The following LTBP1 variants were observed in gnomAD, a reference collection of about 807,000 sequenced individuals.
LTBP1 encodes the protein latent-transforming growth factor beta-binding protein 1.
In LTBP1, 129 loss-of-function variants were observed where a neutral mutation model predicts 207.6. The observed-to-expected ratio is 0.62, with a 90% CI of 0.54 to 0.72. The LOEUF is 0.72. Ranked by LOEUF, LTBP1 falls within the 30% of genes least tolerant of loss-of-function variation. LTBP1 has a pLI of 0.00. For synonymous variants in LTBP1, 963 were observed against 833.7 expected (o/e 1.16, Z -2.67); for missense variants, 2,281 against 2,217.2 (o/e 1.03, Z -0.58).
At chr2:33,176,423 C>T (rs922667278) in intron 5 of LTBP1, among the ~76,000 whole-genome samples, 1 of 152,068 alleles carries the variant, frequency 6.6e-6, no homozygotes, top group Non-Finnish European at 1.5e-5. Flanking sequence ...TACGGGGTTT[C>T]ACCATGTTGG....
intron 11 of LTBP1, among the ~76,000 whole-genome samples, chr2:33,255,052 T>C (rs995168473): frequency 1.1e-4 from 15 of 134,108 alleles, no homozygotes; most frequent in African/African-American, 4.2e-4. Context: ...GCATTAGGTA[T>C]ATCTCCCAGT....
chr2:33,191,040 A>G (rs997716928), intron 7 of LTBP1, among the ~76,000 whole-genome samples: 1 of 152,158 alleles, frequency 6.6e-6, no homozygotes. Context: ...GGGAGGACAA[A>G]TTTCGTGCCA....
chr2:33,119,762 A>G lies in LTBP1; in HGVS notation c.1033+9011A>G, dbSNP rs1036712470. On this transcript the variant is annotated intron_variant, in intron 4 of 33. Transcript: ENST00000404816. ...TTTAGTAGAGGCGGGGTTTCACCATATTAGCCAGGATGGTCTTGATCTCCC... is the reference window on the plus strand; with the variant it reads ...TTTAGTAGAGGCGGGGTTTCACCATGTTAGCCAGGATGGTCTTGATCTCCC... 5.9e-5 allele frequency among the ~76,000 whole-genome samples: 9 copies of G among 151,974 alleles called. No individual in the cohort carries two copies. The South Asian group carries it at 6.2e-4, about 11-fold the overall frequency.
At chr2:33,275,489 A>G (rs1161085546) in intron 17 of LTBP1, among the ~76,000 whole-genome samples, 1 of 152,150 alleles carries the variant, frequency 6.6e-6, no homozygotes, top group Non-Finnish European at 1.5e-5. Flanking sequence ...GTTTGAGACC[A>G]GCCTGACCAA....
intron 9 of LTBP1, among the ~76,000 whole-genome samples, chr2:33,240,168 A>G (rs1277785595): frequency 6.6e-6 from 1 of 152,164 alleles, no homozygotes; most frequent in Non-Finnish European, 1.5e-5. Flanking sequence ...CATGTTCCAT[A>G]CAGTTGTTAA....
chr2:32,996,163 G>A (rs1468977258), intron 2 of LTBP1, among the ~76,000 whole-genome samples: 1 of 152,160 alleles, frequency 6.6e-6, no homozygotes, highest in Non-Finnish European at 1.5e-5. Flanking sequence ...TAAACTGGGT[G>A]GCTTATAAAC....
At chr2:33,097,508 C>A (rs2079460964) in intron 3 of LTBP1, among the ~76,000 whole-genome samples, 1 of 152,134 alleles carries the variant, frequency 6.6e-6, no homozygotes, top group African/African-American at 2.4e-5. Context: ...ATACACATAT[C>A]ATTTTACGCC....
intron 5 of LTBP1, among the ~76,000 whole-genome samples, chr2:33,173,539 G>C (rs2085690864): frequency 2.0e-5 from 3 of 152,102 alleles, no homozygotes; most frequent in Non-Finnish European, 2.9e-5. Context: ...AAAGAGTCCA[G>C]GACCAGATGG....
intron 15 of LTBP1, among the ~76,000 whole-genome samples, chr2:33,267,592 A>G (rs1409221580): frequency 6.6e-6 from 1 of 152,218 alleles, no homozygotes; most frequent in Non-Finnish European, 1.5e-5. Context: ...GGATCTTCTA[A>G]TTGTTTATAG....
intron 24 of LTBP1, among the ~76,000 whole-genome samples, chr2:33,327,222 A>G (rs1044311097): frequency 1.3e-5 from 2 of 152,204 alleles, no homozygotes; most frequent in Non-Finnish European, 2.9e-5. Context: ...AATGCTTTAC[A>G]GTAAACTATG....
intron 5 of LTBP1, among the ~76,000 whole-genome samples, chr2:33,152,312 A>T (rs980952591): frequency 2.0e-5 from 3 of 152,214 alleles, no homozygotes; most frequent in Non-Finnish European, 4.4e-5. Flanking sequence ...CAAACATGAA[A>T]AAGTACTCAG....
chr2:33,380,684 A>G (rs1422359988), intron 31 of LTBP1, among the ~76,000 whole-genome samples: 1 of 152,320 alleles, frequency 6.6e-6, no homozygotes, highest in East Asian at 1.9e-4. Context: ...GTTGAATTCC[A>G]GAGTTAACAT....
intron 24 of LTBP1, among the ~76,000 whole-genome samples, chr2:33,327,713 C>A (rs750861201): frequency 2.0e-5 from 3 of 152,074 alleles, no homozygotes; most frequent in Non-Finnish European, 4.4e-5. Context: ...ATATATGCCA[C>A]AATACCTGTA....
chr2:33,164,159 G>T (rs1424221365), intron 5 of LTBP1, among the ~76,000 whole-genome samples: 1 of 151,592 alleles, frequency 6.6e-6, no homozygotes, highest in Non-Finnish European at 1.5e-5. Context: ...GACCAGCCTG[G>T]CCAACATGGT....
chr2:33,112,196 G>C (rs938123181), intron 4 of LTBP1, among the ~76,000 whole-genome samples: 1 of 152,162 alleles, frequency 6.6e-6, no homozygotes, highest in Non-Finnish European at 1.5e-5. Flanking sequence ...AAGATGGTTA[G>C]AGAACACTGG....
chr2:33,349,728 T>C (rs189412353), intron 26 of LTBP1, among the ~76,000 whole-genome samples: 45 of 152,354 alleles, frequency 3.0e-4, no homozygotes, highest in African/African-American at 9.9e-4. Flanking sequence ...TTATCTAATC[T>C]TTCTAAAGCT....
intron 3 of LTBP1, among the ~76,000 whole-genome samples, chr2:33,083,459 C>T (rs1028490597): frequency 1.3e-5 from 2 of 151,968 alleles, no homozygotes; most frequent in Non-Finnish European, 2.9e-5. Flanking sequence ...CCTTGAGTGA[C>T]CCTGAGCTGG....
chr2:33,117,620 G>T (rs551722122), intron 4 of LTBP1, among the ~76,000 whole-genome samples: 8 of 152,344 alleles, frequency 5.3e-5, no homozygotes, highest in African/African-American at 1.7e-4. Flanking sequence ...GTCTGCTTAT[G>T]CCAGCCACTT....
chr2:33,084,357 G>T (rs1372942966), intron 3 of LTBP1, among the ~76,000 whole-genome samples: 1 of 152,160 alleles, frequency 6.6e-6, no homozygotes, highest in Non-Finnish European at 1.5e-5. Flanking sequence ...GTTGTGAAAG[G>T]GACCATGAAG....
Sources: allele counts gnomAD v4.1 joint callset (sites outside exome capture counted in the v4.1 genomes callset), GRCh38; gene constraint gnomAD v4.1.1; transcripts MANE v1.5; gene names NCBI Gene and HGNC (gene_info 2026-07-23, HGNC 2026-07-21).